The following LRRC8C variants were observed in gnomAD, a reference collection of about 807,000 sequenced individuals.
LRRC8C encodes leucine rich repeat containing 8 VRAC subunit C.
In LRRC8C, 20 loss-of-function variants were observed where a neutral mutation model predicts 55.3. The observed-to-expected ratio is 0.36, with a 90% CI of 0.25 to 0.53. The LOEUF is 0.53. Among genes scored for constraint, LRRC8C ranks in the 20% least tolerant of loss-of-function variants. The pLI is 0.92. For missense variants in LRRC8C, 659 were observed against 951.4 expected (o/e 0.69, Z 4.04); for synonymous variants, 376 against 360.7 (o/e 1.04, Z -0.48).
chr1:89,648,018 A>G (rs1018121807), intron 1 of LRRC8C, among the ~76,000 whole-genome samples: 1 of 152,218 alleles, frequency 6.6e-6, no homozygotes, highest in Admixed American at 6.5e-5. Flanking sequence ...GCAGTGAACT[A>G]TGTTTGCAAC....
intron 2 of LRRC8C, among the ~76,000 whole-genome samples, chr1:89,689,913 C>A (rs1340356767): frequency 6.6e-6 from 1 of 151,866 alleles, no homozygotes; most frequent in East Asian, 1.9e-4. Flanking sequence ...TGCACTGCAG[C>A]CTGGGTGACA....
At chr1:89,661,758 A>G (rs1314708438) in intron 1 of LRRC8C, among the ~76,000 whole-genome samples, 3 of 152,234 alleles carry the variant, frequency 2.0e-5, no homozygotes, top group African/African-American at 7.2e-5. Context: ...AAAGGTGTTA[A>G]GTGCTATGGA....
the LRRC8C span, among the ~76,000 whole-genome samples, chr1:89,622,656 T>A: frequency 6.6e-6 from 1 of 152,132 alleles, no homozygotes; most frequent in African/African-American, 2.4e-5. Flanking sequence ...TTTAACATCA[T>A]GCCTGACGTA....
At chr1:89,689,369 G>T (rs1417087157) in intron 2 of LRRC8C, among the ~76,000 whole-genome samples, 1 of 152,194 alleles carries the variant, frequency 6.6e-6, no homozygotes, top group Non-Finnish European at 1.5e-5. Context: ...TAGGCCACTG[G>T]AGGGCTTGGC....
chr1:89,653,820 T>C (rs149458865), intron 1 of LRRC8C, among the ~76,000 whole-genome samples: 10 of 152,364 alleles, frequency 6.6e-5, no homozygotes, highest in African/African-American at 2.4e-4. Context: ...AATAGCAGAT[T>C]TGGAGTGAAA....
intron 2 of LRRC8C, among the ~76,000 whole-genome samples, chr1:89,693,884 T>C (rs986497711): frequency 2.0e-5 from 3 of 151,992 alleles, no homozygotes; most frequent in Admixed American, 2.0e-4. Flanking sequence ...CTTGAACTCC[T>C]GGCCTAGAGT....
chr1:89,694,924 CTTT>C (rs113354519), intron 2 of LRRC8C, among the ~76,000 whole-genome samples: 5 of 128,246 alleles, frequency 3.9e-5, no homozygotes, highest in Non-Finnish European at 3.3e-5. Context: ...AGTATAAAGA[CTTT>C]TTTTTTTTTT....
intron 1 of LRRC8C, among the ~76,000 whole-genome samples, chr1:89,678,056 T>G (rs562186180): frequency 1.7e-4 from 26 of 152,352 alleles, no homozygotes; most frequent in Non-Finnish European, 3.2e-4. Context: ...ACTCATAAAT[T>G]TAAAATCATG....
At chr1:89,645,137 T>G (rs1656575922) in intron 1 of LRRC8C, among the ~76,000 whole-genome samples, 2 of 151,994 alleles carry the variant, frequency 1.3e-5, no homozygotes, top group South Asian at 2.1e-4. Flanking sequence ...TATAGTATTG[T>G]GAAAAGAAAA....
At chr1:89,688,234 T>TA (rs150991306) in intron 2 of LRRC8C, among the ~76,000 whole-genome samples, 7,086 of 152,002 alleles carry the variant, frequency 0.047, 550 homozygotes, top group African/African-American at 0.16. Context: ...AGTTATTGTC[T>TA]AAAAAAAGGG....
intron 1 of LRRC8C, among the ~76,000 whole-genome samples, chr1:89,662,019 G>A (rs551774701): frequency 4.6e-5 from 7 of 152,348 alleles, no homozygotes; most frequent in Admixed American, 3.9e-4. Flanking sequence ...TGCAAAAGCA[G>A]GAGTGAACCT....
chr1:89,669,189 A>G (rs1657350016), intron 1 of LRRC8C, among the ~76,000 whole-genome samples: 1 of 152,214 alleles, frequency 6.6e-6, no homozygotes, highest in South Asian at 2.1e-4. Context: ...AGCCAGTCAC[A>G]GAAAGATATG....
chr1:89,616,202 GACAA>G, the LRRC8C span, among the ~76,000 whole-genome samples: 10 of 152,144 alleles, frequency 6.6e-5, no homozygotes, highest in Non-Finnish European at 1.2e-4. Context: ...ATTTATTAAT[GACAA>G]ACAGACAGTA....
intron 1 of LRRC8C, among the ~76,000 whole-genome samples, chr1:89,634,441 T>C (rs1656223184): frequency 6.6e-6 from 1 of 152,144 alleles, no homozygotes; most frequent in African/African-American, 2.4e-5. Flanking sequence ...TCTTTCGCGG[T>C]AGTGTGAGAA....
chr1:89,685,153 GCAGGCCGGA>G, intron 1 of LRRC8C, among the ~76,000 whole-genome samples: 1 of 123,148 alleles, frequency 8.1e-6, no homozygotes, highest in Admixed American at 1.1e-4. Flanking sequence ...CTGTCGCCCA[GCAGGCCGGA>G]CTGCGGACTG....
rs541837234 is a variant in LRRC8C at position 89,715,694 on chromosome 1, C to G, written c.*712C>G. ...TATTTAAAACCTAAATACAGAGGCT[C>G]CTCCCACCTTAATCTCAATACTGCT... On this transcript the variant is annotated 3_prime_UTR_variant, in exon 3 of 3. Transcript: ENST00000370454. The G allele has an allele frequency of 2.6e-5, 4 of 152,126 alleles. No individual in the cohort carries two copies. In the East Asian group the frequency reaches 7.7e-4, roughly 29 times the overall value. The allele number at this position is 152,126 out of a possible 1,614,324, so 9.4% of individuals were successfully genotyped here.
intron 1 of LRRC8C, among the ~76,000 whole-genome samples, chr1:89,664,292 TTAATC>T (rs1657198022): frequency 6.6e-6 from 1 of 152,240 alleles, no homozygotes; most frequent in African/African-American, 2.4e-5. Context: ...AGTTAAGTCT[TTAATC>T]TATCTTGAGT....
At chr1:89,684,301 A>G (rs1308717017) in intron 1 of LRRC8C, among the ~76,000 whole-genome samples, 1 of 152,170 alleles carries the variant, frequency 6.6e-6, no homozygotes, top group Non-Finnish European at 1.5e-5. Flanking sequence ...ATGTAAAGAA[A>G]CCTATGGAGG....
intron 1 of LRRC8C, among the ~76,000 whole-genome samples, chr1:89,647,128 A>G (rs1263950349): frequency 5.3e-5 from 8 of 152,192 alleles, no homozygotes. Context: ...TGTTGACCTA[A>G]TTAAAGATTA....
Sources: gnomAD v4.1 joint callset for allele counts (sites outside exome capture counted in the v4.1 genomes callset) on GRCh38, gnomAD v4.1.1 for gene constraint, MANE v1.5 for transcripts, NCBI Gene and HGNC (gene_info 2026-07-23, HGNC 2026-07-21) for gene names.